Variants in CALD1 observed in about 807,000 individuals in gnomAD.
The protein encoded by CALD1 is caldesmon.
CALD1 carries 33 observed loss-of-function variants against 99.9 expected under a neutral mutation model. The observed-to-expected ratio is 0.33, with a 90% CI of 0.25 to 0.44. The LOEUF is 0.44. Ranked by LOEUF, CALD1 falls within the 20% of genes least tolerant of loss-of-function variation. The pLI is 1.00. For missense variants in CALD1, 861 were observed against 962.1 expected, an observed-to-expected ratio of 0.89 and a Z score of 1.39; for synonymous variants, 310 against 325.0, an observed-to-expected ratio of 0.95 and a Z score of 0.50.
chr7:134,957,684 G>A (rs1807882287), intron 9 of CALD1, among the ~76,000 whole-genome samples: 1 of 152,204 alleles, frequency 6.6e-6, no homozygotes, highest in Admixed American at 6.5e-5. Flanking sequence ...GCCTCTCAAA[G>A]TGCTAGGATT....
intron 3 of CALD1, among the ~76,000 whole-genome samples, chr7:134,894,770 T>A (rs952418330): frequency 1.3e-5 from 2 of 152,240 alleles, no homozygotes; most frequent in Non-Finnish European, 2.9e-5. Context: ...CCTACCAAGA[T>A]CACTGAGAGA....
rs148922576 is a variant in CALD1 at position 134,933,050 on chromosome 7, C to A, written c.281C>A (p.Ala94Asp). 5.3e-5 allele frequency: 85 copies of A among 1,613,698 alleles called. No individual in the cohort carries two copies. Among genetic ancestry groups the A allele is most frequent in the Non-Finnish European group, 2.4e-5 (28 of 1,179,928 alleles). Residue 94 changes from alanine (A) to aspartate (D), a missense_variant, in exon 5 of 15, where the codon GCC becomes GAC. This residue lies in a region of CALD1 where 123 missense variants were observed against 169.8 expected (regional missense o/e 0.72). Coordinates refer to ENST00000361675, the MANE Select transcript of CALD1 (RefSeq NM_033138.4). ...ACTCAAGTGGAAGGGGATGATGAGG[C>A]CGCATTCCTGGAGCGCCTGGCTCGG... ...TNTQVEGDDEAAFLERLARRE... is the reference protein window; with the variant it reads ...TNTQVEGDDEDAFLERLARRE...
intron 3 of CALD1, among the ~76,000 whole-genome samples, chr7:134,879,797 G>A (rs1288241968): frequency 2.0e-5 from 3 of 152,086 alleles, no homozygotes; most frequent in African/African-American, 4.8e-5. Flanking sequence ...CTATTTTAGT[G>A]AGACCTGACA....
At chr7:134,899,708 A>G (rs4732068) in intron 3 of CALD1, 18,380 of 152,334 alleles carry the variant, frequency 0.12, 1,294 homozygotes, top group East Asian at 0.27. Flanking sequence ...CAGTGGCACT[A>G]TCTCAGCTCA....
the CALD1 span, among the ~76,000 whole-genome samples, chr7:134,731,819 CTTT>C: frequency 6.6e-6 from 1 of 152,150 alleles, no homozygotes; most frequent in Non-Finnish European, 1.5e-5. Context: ...TGCAGTCTGG[CTTT>C]ACTAACTCCT....
At chr7:134,848,062 C>T (rs1217846735) in intron 2 of CALD1, among the ~76,000 whole-genome samples, 2 of 151,922 alleles carry the variant, frequency 1.3e-5, no homozygotes, top group African/African-American at 4.8e-5. Context: ...TGCAACAGTA[C>T]TCAAATAGGA....
rs577481377 is a variant in CALD1, at chr7:134,905,875, C to T, written c.72-22879C>T. ...TATTAATCTCACATGACTTTGTATGCCAATTCAAGGAAAAGAAACTCGGCA... is the reference window on the plus strand; with the variant it reads ...TATTAATCTCACATGACTTTGTATGTCAATTCAAGGAAAAGAAACTCGGCA... On this transcript the variant is annotated intron_variant, in intron 3 of 14. Transcript: ENST00000361675. Among the ~76,000 whole-genome samples, 7 of 151,118 alleles carry T rather than the reference C, an allele frequency of 4.6e-5. No homozygotes were observed. The East Asian group carries it at 1.2e-3, about 25-fold the overall frequency.
At chr7:134,959,933 A>T in intron 11 of CALD1, 41 bp from the exon 12 acceptor site, 1 of 1,592,410 alleles carries the variant, frequency 6.3e-7, no homozygotes, top group Non-Finnish European at 8.6e-7. Context: ...ATGAGAACAA[A>T]CTTCCCAGCA....
chr7:134,878,823 C>G (rs1801466709), intron 3 of CALD1, among the ~76,000 whole-genome samples: 1 of 151,674 alleles, frequency 6.6e-6, no homozygotes, highest in Non-Finnish European at 1.5e-5. Flanking sequence ...AAAAAAATAG[C>G]TGGATGTGGT....
At chr7:134,861,325 T>C (rs1214471154) in intron 2 of CALD1, among the ~76,000 whole-genome samples, 1 of 152,204 alleles carries the variant, frequency 6.6e-6, no homozygotes, top group African/African-American at 2.4e-5. Flanking sequence ...GCGATGATCA[T>C]TGCAGATCAG....
chr7:134,936,711 AC>A (rs994748106), intron 6 of CALD1, among the ~76,000 whole-genome samples: 22 of 152,230 alleles, frequency 1.4e-4, no homozygotes, highest in Non-Finnish European at 2.5e-4. Context: ...TTTCTTAAAT[AC>A]GTTTTGTCAA....
At chr7:134,767,195 C>CTGTGTGTGTG (rs34026828) in intron 1 of CALD1, among the ~76,000 whole-genome samples, 38 of 149,000 alleles carry the variant, frequency 2.6e-4, no homozygotes, top group African/African-American at 7.9e-4. Flanking sequence ...CTCTCTGTCT[C>CTGTGTGTGTG]TGTGTGTGTG....
intron 1 of CALD1, among the ~76,000 whole-genome samples, chr7:134,827,909 A>G (rs1439097819): frequency 6.6e-6 from 1 of 152,212 alleles, no homozygotes; most frequent in East Asian, 1.9e-4. Flanking sequence ...CAACATATTC[A>G]ATAGACTATC....
chr7:134,863,867 A>AT (rs1193456003), intron 2 of CALD1, among the ~76,000 whole-genome samples: 1 of 152,022 alleles, frequency 6.6e-6, no homozygotes, highest in African/African-American at 2.4e-5. Context: ...GAAAGAGAAA[A>AT]TTTTTTTTAA....
At chr7:134,802,371 T>C (rs1797980069) in intron 1 of CALD1, among the ~76,000 whole-genome samples, 1 of 152,106 alleles carries the variant, frequency 6.6e-6, no homozygotes, top group Non-Finnish European at 1.5e-5. Context: ...ATAATGTTTT[T>C]ATGATTCATC....
At chr7:134,714,232 T>C in the CALD1 span, among the ~76,000 whole-genome samples, 1 of 152,210 alleles carries the variant, frequency 6.6e-6, no homozygotes, top group Non-Finnish European at 1.5e-5. Context: ...CAAATTATTG[T>C]ATTTCTTTAT....
At chr7:134,926,060 A>G (rs1271177786) in intron 3 of CALD1, among the ~76,000 whole-genome samples, 3 of 152,188 alleles carry the variant, frequency 2.0e-5, no homozygotes, top group Non-Finnish European at 4.4e-5. Flanking sequence ...TTCAACTACA[A>G]TGTGATTGAA....
rs537735396 is a variant in CALD1 at position 134,856,627 on chromosome 7, GTCT to G, written c.-41-11061_-41-11059del. 3.7e-3 allele frequency among the ~76,000 whole-genome samples: 564 copies of G among 152,250 alleles called. 7 individuals carry two copies. The highest frequency in any genetic ancestry group is 0.013 in the African/African-American group (539 of 41,546). On this transcript the variant is annotated intron_variant, in intron 2 of 14. Coordinates refer to ENST00000361675, the MANE Select transcript of CALD1 (RefSeq NM_033138.4). ...ATTCTCTTCTTTTCTTATTCATCCT[GTCT>G]TCTTTTTCTTTCAACATCCAAGAAC...
chr7:134,876,164 C>G (rs950729658), intron 3 of CALD1, among the ~76,000 whole-genome samples: 1 of 152,214 alleles, frequency 6.6e-6, no homozygotes, highest in Admixed American at 6.5e-5. Flanking sequence ...TTGGCACTTA[C>G]ATTCAGTGGC....
Sources: allele counts gnomAD v4.1 joint callset (sites outside exome capture counted in the v4.1 genomes callset), GRCh38; gene constraint gnomAD v4.1.1; regional missense constraint gnomAD v4.1.1; transcripts MANE v1.5; gene names NCBI Gene and HGNC (gene_info 2026-07-23, HGNC 2026-07-21).